Variants in NDUFAF2 observed in about 807,000 individuals in gnomAD.
NDUFAF2 encodes the protein NADH:ubiquinone oxidoreductase complex assembly factor 2.
A neutral mutation model predicts 22.8 loss-of-function variants in NDUFAF2; 13 were observed. The observed-to-expected ratio is 0.57, with a 90% CI of 0.37 to 0.91. The LOEUF (loss-of-function observed/expected upper bound fraction) is 0.91, where lower values mean the gene tolerates loss of function less well. Among genes scored for constraint, NDUFAF2 ranks in the 40% least tolerant of loss-of-function variants. The pLI is 0.01. For missense variants in NDUFAF2, 162 were observed against 195.2 expected (o/e 0.83, Z 1.01); for synonymous variants, 53 against 64.2 (o/e 0.83, Z 0.84).
chr5:61,034,912 A>G (rs291797), intron 1 of NDUFAF2, among the ~76,000 whole-genome samples: 27,093 of 144,840 alleles, frequency 0.19, 2,959 homozygotes, highest in Non-Finnish European at 0.25. Context: ...GCAAATATAT[A>G]TGTGTGTGTG....
intron 1 of NDUFAF2, among the ~76,000 whole-genome samples, chr5:60,958,779 CT>C (rs1328730390): frequency 6.6e-6 from 1 of 152,040 alleles, no homozygotes; most frequent in Non-Finnish European, 1.5e-5. Flanking sequence ...TTAAGATATA[CT>C]TTTCTTTTTA....
At chr5:61,089,085 T>C (rs1342456305) in intron 2 of NDUFAF2, among the ~76,000 whole-genome samples, 1 of 152,170 alleles carries the variant, frequency 6.6e-6, no homozygotes, top group African/African-American at 2.4e-5. Context: ...ATTTTCTTGC[T>C]TGATTCTTCT....
At chr5:60,973,216 T>C (rs140944400) in intron 1 of NDUFAF2, among the ~76,000 whole-genome samples, 1,854 of 152,294 alleles carry the variant, frequency 0.012, 15 homozygotes, top group South Asian at 0.027. Context: ...TGCAGCTTAC[T>C]TTTTGGTAGA....
chr5:61,021,876 G>T (rs1353828901), intron 1 of NDUFAF2, among the ~76,000 whole-genome samples: 2 of 152,180 alleles, frequency 1.3e-5, no homozygotes, highest in Admixed American at 6.5e-5. Flanking sequence ...GTAAGGAATT[G>T]TGATTGTAGA....
At chr5:61,115,645 T>C (rs549594688) in intron 3 of NDUFAF2, 1 of 152,204 alleles carries the variant, frequency 6.6e-6, no homozygotes, top group South Asian at 2.1e-4. Context: ...GAGACTCTCA[T>C]TTCATAAAAC....
At chr5:61,053,803 A>G (rs941095051) in intron 1 of NDUFAF2, among the ~76,000 whole-genome samples, 5 of 152,202 alleles carry the variant, frequency 3.3e-5, no homozygotes, top group African/African-American at 1.2e-4. Context: ...TAGACATGAA[A>G]TGAGAGGGAC....
intron 3 of NDUFAF2, chr5:61,114,348 T>C (rs1047317677): frequency 1.6e-4 from 24 of 152,218 alleles, no homozygotes; most frequent in African/African-American, 5.3e-4. Context: ...GTCAATTGCA[T>C]TTTTCAACTC....
chr5:60,964,153 A>G (rs1208597694), intron 1 of NDUFAF2, among the ~76,000 whole-genome samples: 1 of 152,162 alleles, frequency 6.6e-6, no homozygotes, highest in Non-Finnish European at 1.5e-5. Context: ...TTAACTCTTC[A>G]ACAATTTTAG....
intron 2 of NDUFAF2, among the ~76,000 whole-genome samples, chr5:61,087,700 G>C (rs938939409): frequency 6.6e-6 from 1 of 152,014 alleles, no homozygotes; most frequent in Admixed American, 6.6e-5. Context: ...ACAAATTCTT[G>C]TACCGGAATT....
intron 1 of NDUFAF2, among the ~76,000 whole-genome samples, chr5:61,069,549 T>TATTTC (rs1412966604): frequency 2.0e-5 from 3 of 152,140 alleles, no homozygotes; most frequent in Admixed American, 6.6e-5. Flanking sequence ...AAAATGCAAA[T>TATTTC]CACTGTAAAG....
intron 1 of NDUFAF2, among the ~76,000 whole-genome samples, chr5:60,980,218 T>C (rs1344690719): frequency 6.6e-6 from 1 of 152,184 alleles, no homozygotes; most frequent in Non-Finnish European, 1.5e-5. Context: ...AAGACTACAA[T>C]AAATGCTTAA....
At chr5:61,034,538 T>C (rs1735528434) in intron 1 of NDUFAF2, among the ~76,000 whole-genome samples, 1 of 152,172 alleles carries the variant, frequency 6.6e-6, no homozygotes, top group South Asian at 2.1e-4. Context: ...GACCAAAATG[T>C]TGGTGTGTGG....
intron 1 of NDUFAF2, among the ~76,000 whole-genome samples, chr5:61,008,769 A>T (rs1232189403): frequency 1.3e-5 from 2 of 151,974 alleles, no homozygotes; most frequent in African/African-American, 4.8e-5. Flanking sequence ...TCCAAATCTT[A>T]TGTTTGTTTC....
At chr5:60,972,773 G>GTTTTTTTTTTTTTTT (rs35076688) in intron 1 of NDUFAF2, among the ~76,000 whole-genome samples, 1 of 103,926 alleles carries the variant, frequency 9.6e-6, no homozygotes, top group Non-Finnish European at 1.9e-5. Context: ...TGTGTATTCT[G>GTTTTTTTTTTTTTTT]TTTTTTTTTT....
intron 3 of NDUFAF2, among the ~76,000 whole-genome samples, chr5:61,148,198 C>A (rs1046133916): frequency 1.3e-5 from 2 of 152,202 alleles, no homozygotes; most frequent in African/African-American, 4.8e-5. Context: ...TGGGTTCCCC[C>A]ACCCTGTGTA....
At chr5:61,070,552 C>A (rs530145072) in intron 1 of NDUFAF2, among the ~76,000 whole-genome samples, 2 of 150,966 alleles carry the variant, frequency 1.3e-5, no homozygotes, top group Non-Finnish European at 3.0e-5. Context: ...CAGTGATTGT[C>A]CTGAAATTAA....
chr5:61,041,962 A>G (rs1478152107), intron 1 of NDUFAF2, among the ~76,000 whole-genome samples: 1 of 152,188 alleles, frequency 6.6e-6, no homozygotes, highest in Non-Finnish European at 1.5e-5. Flanking sequence ...TTCCTGACAT[A>G]TCATGTGAGT....
At chr5:60,956,796 T>C (rs1405039445) in intron 1 of NDUFAF2, among the ~76,000 whole-genome samples, 1 of 152,194 alleles carries the variant, frequency 6.6e-6, no homozygotes, top group Non-Finnish European at 1.5e-5. Flanking sequence ...TGTGAGTATA[T>C]TTAGACACAC....
At chr5:61,068,506 G>C (rs964097748) in intron 1 of NDUFAF2, among the ~76,000 whole-genome samples, 3 of 151,970 alleles carry the variant, frequency 2.0e-5, no homozygotes, top group Non-Finnish European at 2.9e-5. Context: ...AAATACATGC[G>C]CACATGTATA....
Sources: gnomAD v4.1 joint callset for allele counts (sites outside exome capture counted in the v4.1 genomes callset) on GRCh38, gnomAD v4.1.1 for gene constraint, MANE v1.5 for transcripts, NCBI Gene and HGNC (gene_info 2026-07-23, HGNC 2026-07-21) for gene names.